Variants in APP observed in about 807,000 individuals in gnomAD.
APP encodes amyloid-beta precursor protein.
Under a neutral mutation model 101.4 loss-of-function variants are expected in APP, and 31 were observed. That is an observed-to-expected ratio of 0.31 (90% CI 0.23 to 0.41). APP has a LOEUF of 0.41. Ranked by LOEUF, APP falls within the 10% of genes least tolerant of loss-of-function variation. APP has a pLI of 1.00. For missense variants in APP, 839 were observed against 1,003.7 expected (o/e 0.84, Z 2.22); for synonymous variants, 366 against 364.4 (o/e 1.00, Z -0.05).
chr21:25,982,321 A>C (rs200399448), intron 9 of APP, 23 bp downstream of exon 9: 12 of 1,613,280 alleles, frequency 7.4e-6, no homozygotes, highest in Non-Finnish European at 1.0e-5. Flanking sequence ...CGTAGGGCTG[A>C]ATGATGGAAG....
At chr21:25,945,092 A>C (rs1164128304) in intron 13 of APP, among the ~76,000 whole-genome samples, 2 of 152,232 alleles carry the variant, frequency 1.3e-5, no homozygotes, top group Non-Finnish European at 2.9e-5. Flanking sequence ...AAAATAAAAG[A>C]ATGGCATAAA....
In APP at chr21:25,975,620, G is replaced by A. The variant is rs551294212; in HGVS notation, c.1299+334C>T. Reference sequence around the variant, plus strand: ...GTTTACTTAAGGTAATTTTGAGACTGGTTTCCATCAAAAATTCAAATTCTC... The same window carrying A: ...GTTTACTTAAGGTAATTTTGAGACTAGTTTCCATCAAAAATTCAAATTCTC... On this transcript the variant is annotated intron_variant, in intron 10 of 17. Transcript: ENST00000346798. Among the ~76,000 whole-genome samples, 32 of 152,300 alleles carry A rather than the reference G, an allele frequency of 2.1e-4. 2 individuals carry two copies. The South Asian group carries it at 6.6e-3, about 32-fold the overall frequency.
At chr21:25,890,125 T>C (rs1204576738) in intron 17 of APP, among the ~76,000 whole-genome samples, 2 of 152,212 alleles carry the variant, frequency 1.3e-5, no homozygotes, top group Non-Finnish European at 1.5e-5. Context: ...ATTGCTTTTA[T>C]GTGCTCACAC....
chr21:26,105,068 CA>C (rs10579923), intron 2 of APP, among the ~76,000 whole-genome samples: 51,366 of 110,526 alleles, frequency 0.46, 9,294 homozygotes, highest in East Asian at 0.54. Context: ...GCATTTTTTT[CA>C]AAAAAAAAAA....
In APP at chr21:26,016,934, GGGC is replaced by G. The variant is rs752820338; in HGVS notation, c.865+4903_865+4905del. On this transcript the variant is annotated intron_variant, in intron 6 of 17. Coordinates refer to ENST00000346798, the MANE Select transcript of APP (RefSeq NM_000484.4). Reference sequence around the variant, plus strand: ...GCCTGTATTCCCAGCACTTTGTGGGGGGCGGGGGGCGGGGGGCGGGGGGTGCCG... The same window carrying G: ...GCCTGTATTCCCAGCACTTTGTGGGGGGGGGGCGGGGGGCGGGGGGTGCCG... Among the ~76,000 whole-genome samples, 127 of 109,198 alleles carry G rather than the reference GGGC, an allele frequency of 1.2e-3. 3 individuals carry two copies. Among genetic ancestry groups the G allele is most frequent in the South Asian group, 1.8e-3 (6 of 3,394 alleles). The allele number at this position is 109,198 out of a possible 152,430, so 71.6% of individuals were successfully genotyped here.
At chr21:26,093,853 C>A (rs2061880325) in intron 2 of APP, among the ~76,000 whole-genome samples, 1 of 152,134 alleles carries the variant, frequency 6.6e-6, no homozygotes, top group African/African-American at 2.4e-5. Flanking sequence ...CAGTGGCACA[C>A]ACCTGTAATC....
chr21:26,040,221 C>T (rs111722260), intron 5 of APP, among the ~76,000 whole-genome samples: 1,810 of 152,240 alleles, frequency 0.012, 31 homozygotes, highest in African/African-American at 0.041. Context: ...GTGCTCAAAA[C>T]ATTTTGGATT....
chr21:26,123,690 CTT>C (rs1419248107), intron 1 of APP, among the ~76,000 whole-genome samples: 1 of 152,162 alleles, frequency 6.6e-6, no homozygotes, highest in Admixed American at 6.5e-5. Flanking sequence ...AGTGAAGACT[CTT>C]ATTTCTATTT....
chr21:26,138,694 GAAAAC>G (rs151222318), intron 1 of APP, among the ~76,000 whole-genome samples: 22,382 of 150,176 alleles, frequency 0.15, 1,840 homozygotes, highest in Admixed American at 0.23. Flanking sequence ...GCCTGTCTCA[GAAAAC>G]AAAACAAAAC....
At chr21:25,909,567 A>AC (rs2038963980) in intron 14 of APP, among the ~76,000 whole-genome samples, 1 of 216 alleles carries the variant, frequency 4.6e-3, no homozygotes, top group Non-Finnish European at 7.6e-3. Context: ...GCAATTACCA[A>AC]GGGTTCACAG....
intron 1 of APP, among the ~76,000 whole-genome samples, chr21:26,136,206 G>GAAAGAAAGAAAGAAAGAAAGA (rs2062912905): frequency 8.7e-6 from 1 of 115,326 alleles, no homozygotes; most frequent in African/African-American, 4.0e-5. Context: ...AGAAAGAAAA[G>GAAAGAAAGAAAGAAAGAAAGA]AAAAGAAAGA....
chr21:26,036,520 G>C (rs903405820), intron 5 of APP, among the ~76,000 whole-genome samples: 4 of 152,098 alleles, frequency 2.6e-5, no homozygotes, highest in Admixed American at 2.0e-4. Context: ...TATTCTGCTG[G>C]GCAGGTAAAG....
At chr21:26,112,436 A>G (rs1342657323) in intron 1 of APP, among the ~76,000 whole-genome samples, 2 of 152,214 alleles carry the variant, frequency 1.3e-5, no homozygotes, top group East Asian at 3.9e-4. Context: ...ATTTTGTGGT[A>G]CCTGCTGAAA....
At position 26,042,375 on chromosome 21, in the gene APP, C is replaced by T. The variant is rs386817482; in HGVS notation, c.662+8625G>A. Reference sequence around the variant, plus strand: ...TCAACATCACTAGCTAAGTGGAAGACGGCATGTGCATAATTTATTACATGA... The same window carrying T: ...TCAACATCACTAGCTAAGTGGAAGATGGCATGTGCATAATTTATTACATGA... On this transcript the variant is annotated intron_variant, in intron 5 of 17. Coordinates refer to ENST00000346798, the MANE Select transcript of APP (RefSeq NM_000484.4). Among the ~76,000 whole-genome samples the T allele has an allele frequency of 3.8e-3, 580 of 152,288 alleles. 5 individuals are homozygous for T. The highest frequency in any genetic ancestry group is 0.013 in the African/African-American group (546 of 41,560).
At chr21:25,962,231 C>G (rs1322099682) in intron 11 of APP, among the ~76,000 whole-genome samples, 1 of 152,062 alleles carries the variant, frequency 6.6e-6, no homozygotes, top group African/African-American at 2.4e-5. Context: ...TTTAAAAAAT[C>G]ATTCAAAATA....
At position 25,906,559 on chromosome 21, in the gene APP, G is replaced by GT. The variant is rs570824172; in HGVS notation, c.1910-1483dup. Among the ~76,000 whole-genome samples the GT allele has an allele frequency of 5.5e-3, 835 of 152,344 alleles. 6 individuals carry two copies. The highest frequency in any genetic ancestry group is 8.1e-3 in the Non-Finnish European group (554 of 68,040). ...TTCCATAGTAACTACTGATGCGAGAGTGACTATTCTCTAGTATTTCACTAG... is the reference window on the plus strand; with the variant it reads ...TTCCATAGTAACTACTGATGCGAGAGTTGACTATTCTCTAGTATTTCACTAG... On this transcript the variant is annotated intron_variant, in intron 14 of 17. Coordinates refer to ENST00000346798, the MANE Select transcript of APP (RefSeq NM_000484.4).
chr21:26,163,306 G>A (rs1197855984), intron 1 of APP, among the ~76,000 whole-genome samples: 1 of 143,264 alleles, frequency 7.0e-6, no homozygotes, highest in Non-Finnish European at 1.5e-5. Flanking sequence ...TATTCTTGTT[G>A]AATCAAATTT....
At chr21:26,036,495 G>A (rs947539457) in intron 5 of APP, among the ~76,000 whole-genome samples, 1 of 152,158 alleles carries the variant, frequency 6.6e-6, no homozygotes, top group African/African-American at 2.4e-5. Flanking sequence ...GATATTCTGG[G>A]TCTGTCTGTA....
intron 1 of APP, among the ~76,000 whole-genome samples, chr21:26,133,708 G>T (rs1409601275): frequency 2.6e-5 from 4 of 152,060 alleles, no homozygotes; most frequent in African/African-American, 9.7e-5. Flanking sequence ...AGGGGCAGAG[G>T]TTGCAGTGAG....
Sources: gnomAD v4.1 joint callset for allele counts (sites outside exome capture counted in the v4.1 genomes callset) on GRCh38, gnomAD v4.1.1 for gene constraint, MANE v1.5 for transcripts, NCBI Gene and HGNC (gene_info 2026-07-23, HGNC 2026-07-21) for gene names.